The following GPALPP1 variants were observed in gnomAD, a reference collection of about 807,000 sequenced individuals.
GPALPP1 encodes the protein GPALPP motifs-containing protein 1.
GPALPP1 carries 30 observed loss-of-function variants against 38.9 expected under a neutral mutation model. The observed-to-expected ratio is 0.77, with a 90% CI of 0.58 to 1.05. The LOEUF (loss-of-function observed/expected upper bound fraction) is 1.05, where lower values mean the gene tolerates loss of function less well. GPALPP1 is among the 50% of genes least tolerant of loss of function. The probability of loss-of-function intolerance (pLI) is 0.00; values close to 1 mark genes in which losing one functional copy is unlikely to be tolerated. For missense variants in GPALPP1, 384 were observed against 408.8 expected (o/e 0.94, Z 0.52); for synonymous variants, 120 against 139.2 (o/e 0.86, Z 0.97).
chr13:45,009,560 C>T (rs1874333267), intron 4 of GPALPP1, among the ~76,000 whole-genome samples: 2 of 152,144 alleles, frequency 1.3e-5, no homozygotes, highest in Non-Finnish European at 2.9e-5. Flanking sequence ...TGATCAAAGC[C>T]ATGGCACAAA....
intron 7 of GPALPP1, among the ~76,000 whole-genome samples, chr13:45,026,039 G>T (rs1450070727): frequency 6.6e-6 from 1 of 152,052 alleles, no homozygotes; most frequent in East Asian, 1.9e-4. Flanking sequence ...CAAAGTGCTG[G>T]GATTACAGGC....
intron 1 of GPALPP1, chr13:44,990,152 T>A (rs1271999978): frequency 2.4e-6 from 1 of 415,514 alleles, no homozygotes; most frequent in Non-Finnish European, 4.2e-6. Flanking sequence ...AGCGGTTCTC[T>A]TAACCTCTGT....
At chr13:45,032,784 C>G (rs1306047614), downstream of GPALPP1, among the ~76,000 whole-genome samples, 1 of 150,016 alleles carries the variant, frequency 6.7e-6, no homozygotes, top group Non-Finnish European at 1.5e-5. Context: ...GCCTGTAATT[C>G]TAGCACTTTG....
In GPALPP1 at chr13:45,015,404, T is replaced by A. The variant is rs79335876; in HGVS notation, c.541-28T>A. 1,490 of 1,452,966 alleles carry A rather than the reference T, an allele frequency of 1.0e-3. 38 individuals are homozygous for A. The East Asian group carries it at 0.032, about 31-fold the overall frequency. 90.0% of individuals were successfully genotyped at this position (1,452,966 alleles called of 1,614,324 possible). A position where few individuals can be genotyped will look rare whatever the true frequency, so the allele number is the denominator to read the frequency against. On this transcript the variant is annotated intron_variant, in intron 5 of 7. Coordinates refer to ENST00000379151, the MANE Select transcript of GPALPP1 (RefSeq NM_018559.5). ...CATCTTATACACGATATGTACTTTC[T>A]ATGCTGTGTTTTTTTTTTCTCTTAA...
chr13:45,010,995 G>GA (rs536975589), intron 4 of GPALPP1, among the ~76,000 whole-genome samples: 13 of 149,710 alleles, frequency 8.7e-5, no homozygotes, highest in African/African-American at 2.5e-4. Context: ...AAAGAAAAAA[G>GA]AAAAAAAAAG....
intron 3 of GPALPP1, among the ~76,000 whole-genome samples, chr13:45,008,436 C>G (rs1874252334): frequency 6.6e-6 from 1 of 152,036 alleles, no homozygotes; most frequent in African/African-American, 2.4e-5. Flanking sequence ...AAAGCCAAGG[C>G]ACAAAATAAA....
rs1188182309 is a variant in GPALPP1, at chr13:45,006,263, C to G, written c.283C>G (p.Leu95Val). 3 of 1,608,294 alleles carry G rather than the reference C, an allele frequency of 1.9e-6. No homozygotes were observed. The highest frequency in any genetic ancestry group is 1.7e-6 in the Non-Finnish European group (2 of 1,175,850). The change falls in exon 3 of 8, where the codon CTT (leucine) becomes GTT (valine). Residue 95 changes from leucine to valine, a missense_variant. By Grantham distance (32) the Leu-to-Val change is conservative (BLOSUM62 1). Transcript: ENST00000379151. ...TGATGATGGGTTTTTTGGACCAGCC[C>G]TTCCTCCTGGATTTAAAAAGCAGGA... ...DDDDGFFGPA[L>V]PPGFKKQDDS...
At chr13:44,997,481 C>T (rs1425571920) in intron 1 of GPALPP1, among the ~76,000 whole-genome samples, 1 of 152,110 alleles carries the variant, frequency 6.6e-6, no homozygotes, top group East Asian at 1.9e-4. Flanking sequence ...ACTCCAGTCT[C>T]CTATCTGCAG....
At chr13:45,018,193 C>T (rs964939368) in intron 6 of GPALPP1, among the ~76,000 whole-genome samples, 2 of 152,018 alleles carry the variant, frequency 1.3e-5, no homozygotes, top group Admixed American at 6.6e-5. Flanking sequence ...GTCAGGAGAT[C>T]AAGACCATCC....
intron 3 of GPALPP1, among the ~76,000 whole-genome samples, chr13:45,008,399 C>T (rs185831708): frequency 1.2e-4 from 19 of 152,122 alleles, no homozygotes; most frequent in East Asian, 7.7e-4. Context: ...GTATCTTTCA[C>T]GGGATAATGA....
chr13:45,015,992 T>C (rs1874840422), intron 6 of GPALPP1, among the ~76,000 whole-genome samples: 1 of 151,970 alleles, frequency 6.6e-6, no homozygotes, highest in Non-Finnish European at 1.5e-5. Context: ...TTTATGAACA[T>C]ATATCTTTTA....
In GPALPP1 at chr13:45,029,401, G is replaced by A. The variant is rs1182260403; in HGVS notation, c.*1398G>A. ...TTAAGGTCATGTGGAAACATAAAACGAATGTTTTTTATGTAGAACAGAATA... is the reference window on the plus strand; with the variant it reads ...TTAAGGTCATGTGGAAACATAAAACAAATGTTTTTTATGTAGAACAGAATA... On this transcript the variant is annotated 3_prime_UTR_variant, in exon 8 of 8. Coordinates refer to ENST00000379151, the MANE Select transcript of GPALPP1 (RefSeq NM_018559.5). 1 of 152,082 alleles carries A rather than the reference G, an allele frequency of 6.6e-6. No homozygotes were observed. Among genetic ancestry groups the A allele is most frequent in the Admixed American group, 6.5e-5 (1 of 15,274 alleles). 9.4% of individuals were successfully genotyped at this position (152,082 alleles called of 1,614,324 possible). A position where few individuals can be genotyped will look rare whatever the true frequency, so the allele number is the denominator to read the frequency against.
chr13:45,005,763 G>T (rs1234244997), intron 2 of GPALPP1, among the ~76,000 whole-genome samples: 2 of 152,158 alleles, frequency 1.3e-5, no homozygotes. Flanking sequence ...AGTGGCTCAC[G>T]CCTGTAATCC....
chr13:44,998,335 A>T (rs1873436677), intron 1 of GPALPP1, among the ~76,000 whole-genome samples: 1 of 152,092 alleles, frequency 6.6e-6, no homozygotes, highest in Non-Finnish European at 1.5e-5. Flanking sequence ...ACTCTACTTC[A>T]TATCCCCCTC....
intron 1 of GPALPP1, among the ~76,000 whole-genome samples, chr13:44,993,150 C>T (rs921540910): frequency 1.3e-5 from 2 of 152,124 alleles, no homozygotes; most frequent in African/African-American, 2.4e-5. Context: ...AACAGTATTC[C>T]GTGTATGTAT....
At chr13:45,012,273 G>A (rs992848069) in intron 4 of GPALPP1, among the ~76,000 whole-genome samples, 1 of 152,132 alleles carries the variant, frequency 6.6e-6, no homozygotes, top group African/African-American at 2.4e-5. Context: ...TAGGAAGGTG[G>A]CAAGGAAATT....
chr13:45,007,680 A>G (rs1874194435), intron 3 of GPALPP1, among the ~76,000 whole-genome samples: 1 of 152,210 alleles, frequency 6.6e-6, no homozygotes, highest in Non-Finnish European at 1.5e-5. Context: ...AGACTTTCTG[A>G]CTGTCAGTAC....
intron 1 of GPALPP1, among the ~76,000 whole-genome samples, chr13:44,996,624 G>A (rs936203354): frequency 1.3e-5 from 2 of 151,218 alleles, no homozygotes; most frequent in Admixed American, 6.6e-5. Flanking sequence ...CTGAAATTAC[G>A]GGGATGCACC....
chr13:45,028,050 CT>C lies in GPALPP1; in HGVS notation c.*51del, dbSNP rs1345404810. 1 of 928,156 alleles carries C rather than the reference CT, an allele frequency of 1.1e-6. No individual in the cohort carries two copies. Among genetic ancestry groups the C allele is most frequent in the African/African-American group, 1.6e-5 (1 of 60,682 alleles). 57.5% of individuals were successfully genotyped at this position (928,156 alleles called of 1,614,324 possible). The stretch of plus-strand genomic sequence containing the variant: ...ATATTTTAATACTGATCAATGTGAA[CT>C]TTTCTAAATACTCTATTGTCTTTAA... On this transcript the variant is annotated 3_prime_UTR_variant, in exon 8 of 8. Coordinates refer to ENST00000379151, the MANE Select transcript of GPALPP1 (RefSeq NM_018559.5).
Sources: allele counts gnomAD v4.1 joint callset (sites outside exome capture counted in the v4.1 genomes callset), GRCh38; gene constraint gnomAD v4.1.1; transcripts MANE v1.5; gene names NCBI Gene and HGNC (gene_info 2026-07-23, HGNC 2026-07-21).